GHR: variants seen among roughly 807,000 people sequenced by gnomAD.
GHR encodes growth hormone receptor.
GHR carries 35 observed loss-of-function variants against 67.1 expected under a neutral mutation model. That is an observed-to-expected ratio of 0.52 (90% CI 0.40 to 0.69). The LOEUF (loss-of-function observed/expected upper bound fraction) is 0.69, where lower values mean the gene tolerates loss of function less well. Ranked by LOEUF, GHR falls within the 30% of genes least tolerant of loss-of-function variation. The pLI is 0.00. For synonymous variants in GHR, 272 were observed against 269.1 expected (o/e 1.01, Z -0.10); for missense variants, 792 against 764.6 (o/e 1.04, Z -0.42).
intron 3 of GHR, 106 bp from the exon 4 acceptor site, chr5:42,688,784 C>T (rs137916737): frequency 1.2e-5 from 13 of 1,048,944 alleles, no homozygotes; most frequent in Admixed American, 1.7e-5. Flanking sequence ...ACGGAATACA[C>T]TGGCTTCATC....
chr5:42,703,944 A>G (rs1758052993), intron 6 of GHR, among the ~76,000 whole-genome samples: 1 of 151,824 alleles, frequency 6.6e-6, no homozygotes, highest in South Asian at 2.1e-4. Flanking sequence ...TTTTTGTTGA[A>G]GTCTTTAGGG....
chr5:42,681,070 A>G (rs1756841989), intron 3 of GHR, among the ~76,000 whole-genome samples: 1 of 152,136 alleles, frequency 6.6e-6, no homozygotes, highest in Non-Finnish European at 1.5e-5. Context: ...TCATGACTAA[A>G]ACACCAAAAA....
intron 2 of GHR, among the ~76,000 whole-genome samples, chr5:42,618,581 C>T (rs1753285444): frequency 2.0e-5 from 3 of 151,982 alleles, no homozygotes; most frequent in African/African-American, 7.2e-5. Flanking sequence ...GTATGCAAAG[C>T]AAATAATGCA....
intron 3 of GHR, among the ~76,000 whole-genome samples, chr5:42,661,275 G>A (rs1471659830): frequency 6.6e-6 from 1 of 152,178 alleles, no homozygotes; most frequent in Non-Finnish European, 1.5e-5. Context: ...TATTCCTCGA[G>A]AAGAGCAGCT....
intron 2 of GHR, among the ~76,000 whole-genome samples, chr5:42,626,967 C>A (rs1164639598): frequency 6.6e-6 from 1 of 152,152 alleles, no homozygotes; most frequent in Non-Finnish European, 1.5e-5. Flanking sequence ...TACAAAGCAA[C>A]CCACTCTAAT....
chr5:42,565,979 T>G, intron 2 of GHR, 35 bp downstream of exon 2: 1 of 1,612,710 alleles, frequency 6.2e-7, no homozygotes, highest in Non-Finnish European at 8.5e-7. Context: ...CCCTCAGTGT[T>G]TTGAAACAAC....
chr5:42,697,148 A>G (rs1757712173), intron 5 of GHR, among the ~76,000 whole-genome samples: 1 of 152,236 alleles, frequency 6.6e-6, no homozygotes, highest in East Asian at 1.9e-4. Flanking sequence ...ACCCTGGTAG[A>G]TCTTGAGAAA....
intron 1 of GHR, among the ~76,000 whole-genome samples, chr5:42,446,420 G>T (rs1296680995): frequency 1.3e-5 from 2 of 152,202 alleles, no homozygotes; most frequent in Non-Finnish European, 2.9e-5. Flanking sequence ...CTTTAAAGTG[G>T]CTAGATCAGA....
chr5:42,483,051 T>G (rs1745723660), intron 1 of GHR, among the ~76,000 whole-genome samples: 1 of 152,222 alleles, frequency 6.6e-6, no homozygotes, highest in Non-Finnish European at 1.5e-5. Context: ...CTTGTGATTC[T>G]TGCTGGCATT....
intron 2 of GHR, among the ~76,000 whole-genome samples, chr5:42,571,388 C>T (rs533853916): frequency 6.6e-6 from 1 of 152,236 alleles, no homozygotes; most frequent in South Asian, 2.1e-4. Context: ...GAACTCCCTC[C>T]TCATTGTAGT....
At chr5:42,511,323 A>G (rs935562302) in intron 1 of GHR, among the ~76,000 whole-genome samples, 1 of 152,240 alleles carries the variant, frequency 6.6e-6, no homozygotes, top group African/African-American at 2.4e-5. Flanking sequence ...ACTTTACATC[A>G]TAGTTTAATT....
intron 1 of GHR, among the ~76,000 whole-genome samples, chr5:42,554,988 T>C (rs1165001632): frequency 6.6e-6 from 1 of 152,164 alleles, no homozygotes; most frequent in East Asian, 1.9e-4. Context: ...CAATGAATGG[T>C]CCAAGTCCAA....
chr5:42,545,523 GA>G (rs1748698206), intron 1 of GHR, among the ~76,000 whole-genome samples: 1 of 152,048 alleles, frequency 6.6e-6, no homozygotes, highest in Non-Finnish European at 1.5e-5. Flanking sequence ...TTTGTAATCA[GA>G]AAAAAATATC....
At chr5:42,517,814 A>G (rs1747307692) in intron 1 of GHR, among the ~76,000 whole-genome samples, 1 of 151,784 alleles carries the variant, frequency 6.6e-6, no homozygotes, top group Non-Finnish European at 1.5e-5. Flanking sequence ...TTAAAACAAC[A>G]TGTCTTCTGG....
At chr5:42,664,440 C>A (rs1396587400) in intron 3 of GHR, among the ~76,000 whole-genome samples, 3 of 152,162 alleles carry the variant, frequency 2.0e-5, no homozygotes, top group Non-Finnish European at 4.4e-5. Flanking sequence ...AATAACACTG[C>A]ATGTCTACAA....
At chr5:42,660,859 A>G (rs1264129172) in intron 3 of GHR, among the ~76,000 whole-genome samples, 3 of 152,198 alleles carry the variant, frequency 2.0e-5, no homozygotes, top group Non-Finnish European at 4.4e-5. Flanking sequence ...GAAAACTCTG[A>G]AAAAAATTTA....
chr5:42,646,497 A>G (rs774012455), intron 3 of GHR: 23 of 312,976 alleles, frequency 7.3e-5, no homozygotes, highest in Non-Finnish European at 1.4e-4. Context: ...CAGATCTAAA[A>G]TACATTAGAG....
At chr5:42,641,865 C>A (rs556540053) in intron 3 of GHR, among the ~76,000 whole-genome samples, 2 of 152,248 alleles carry the variant, frequency 1.3e-5, no homozygotes, top group South Asian at 4.2e-4. Flanking sequence ...TCCTGTCCTG[C>A]AAACCTCTGC....
chr5:42,681,306 C>T (rs1756856427), intron 3 of GHR, among the ~76,000 whole-genome samples: 1 of 147,936 alleles, frequency 6.8e-6, no homozygotes, highest in South Asian at 2.1e-4. Flanking sequence ...AGGATATAAA[C>T]AGACACTTCT....
Sources: allele counts gnomAD v4.1 joint callset (sites outside exome capture counted in the v4.1 genomes callset), GRCh38; gene constraint gnomAD v4.1.1; transcripts MANE v1.5; gene names NCBI Gene and HGNC (gene_info 2026-07-23, HGNC 2026-07-21).